ARHGAP26: variants seen among roughly 807,000 people sequenced by gnomAD.
ARHGAP26 encodes the protein rho GTPase-activating protein 26.
Under a neutral mutation model 104.8 loss-of-function variants are expected in ARHGAP26, and 38 were observed. The observed-to-expected ratio is 0.36, with a 90% confidence interval of 0.28 to 0.48. ARHGAP26 has a LOEUF of 0.48. ARHGAP26 is among the 20% of genes least tolerant of loss of function. The probability of loss-of-function intolerance (pLI) is 0.99; values close to 1 mark genes in which losing one functional copy is unlikely to be tolerated. For synonymous variants in ARHGAP26, 341 were observed against 340.0 expected, an observed-to-expected ratio of 1.00 and a Z score of -0.03; for missense variants, 704 against 947.9, an observed-to-expected ratio of 0.74 and a Z score of 3.38.
rs953847808 is a variant in ARHGAP26 at position 142,930,588 on chromosome 5, T to G, written c.1029-1459T>G. On this transcript the variant is annotated intron_variant, in intron 10 of 22. Transcript: ENST00000645722. ...TAGCTGCCCACGCCTCCCACCCACA[T>G]ACAACCCCACTCCCCTTTCTGTCTC... 5.3e-5 allele frequency among the ~76,000 whole-genome samples: 8 copies of G among 152,062 alleles called. No individual in the cohort carries two copies. The East Asian group carries it at 1.2e-3, about 22-fold the overall frequency.
chr5:142,980,052 T>A (rs573432507), intron 11 of ARHGAP26, among the ~76,000 whole-genome samples: 1 of 152,328 alleles, frequency 6.6e-6, no homozygotes, highest in Admixed American at 6.5e-5. Flanking sequence ...AGTCAATACC[T>A]TCCTCGCTCC....
At chr5:142,802,173 G>A (rs116158289) in intron 1 of ARHGAP26, among the ~76,000 whole-genome samples, 1,591 of 152,308 alleles carry the variant, frequency 0.01, 12 homozygotes, top group South Asian at 0.045. Context: ...GCCCCATCCT[G>A]TTATCATTGG....
chr5:143,200,983 A>G (rs1807629465), intron 20 of ARHGAP26, among the ~76,000 whole-genome samples: 1 of 152,232 alleles, frequency 6.6e-6, no homozygotes, highest in African/African-American at 2.4e-5. Flanking sequence ...TGATATTGCT[A>G]CACACTGTAC....
rs373317587 is a variant in ARHGAP26, at chr5:142,875,135, T to C, written c.276T>C (p.Thr92=). Residue 92 remains threonine (T), a synonymous_variant, in exon 3 of 23, where the codon ACT becomes ACC. Coordinates refer to ENST00000645722, the MANE Select transcript of ARHGAP26 (RefSeq NM_001135608.3). ...CAAGATCTTTGCAGGAGTTTGCCAC[T>C]GTCCTCAGGAATCTTGAAGATGAAC... ...CIARSLQEFA[T]VLRNLEDERI... is the part of the protein sequence containing the mutation. The C allele has an allele frequency of 3.7e-5, 60 of 1,614,052 alleles. 1 individual carries two copies. In the Middle Eastern group the frequency reaches 4.9e-4, roughly 13 times the overall value.
intron 9 of ARHGAP26, among the ~76,000 whole-genome samples, chr5:142,909,262 T>G (rs372714409): frequency 6.0e-4 from 91 of 152,354 alleles, no homozygotes; most frequent in Middle Eastern, 3.4e-3. Flanking sequence ...GCTTAAATAG[T>G]TTTTCATTTG....
At chr5:142,829,776 C>T (rs562441673) in intron 1 of ARHGAP26, among the ~76,000 whole-genome samples, 1 of 152,266 alleles carries the variant, frequency 6.6e-6, no homozygotes, top group South Asian at 2.1e-4. Context: ...GTCTGGCTGT[C>T]TCCACTGCCC....
At chr5:143,095,473 C>A (rs1173785786) in intron 17 of ARHGAP26, among the ~76,000 whole-genome samples, 1 of 152,128 alleles carries the variant, frequency 6.6e-6, no homozygotes, top group Non-Finnish European at 1.5e-5. Context: ...TTATGTTTTA[C>A]AGTATTGGAA....
At chr5:143,173,974 G>A (rs778909688) in intron 20 of ARHGAP26, among the ~76,000 whole-genome samples, 2 of 152,178 alleles carry the variant, frequency 1.3e-5, no homozygotes, top group Non-Finnish European at 2.9e-5. Context: ...TGCTGTTTGA[G>A]GGCAGCATCA....
chr5:143,124,055 C>T (rs1452838630), intron 18 of ARHGAP26, among the ~76,000 whole-genome samples: 3 of 152,132 alleles, frequency 2.0e-5, no homozygotes, highest in African/African-American at 7.2e-5. Flanking sequence ...AATCCTGAAA[C>T]CCTATTTGAA....
At chr5:142,901,852 C>A in intron 6 of ARHGAP26, 83 bp from the exon 7 acceptor site, 1 of 1,078,760 alleles carries the variant, frequency 9.3e-7, no homozygotes, top group Non-Finnish European at 1.4e-6. Context: ...ACTTTCAAGC[C>A]AGTGTTGGGA....
intron 22 of ARHGAP26, among the ~76,000 whole-genome samples, chr5:143,215,089 G>A (rs1226675632): frequency 5.9e-5 from 9 of 152,218 alleles, no homozygotes; most frequent in Non-Finnish European, 1.2e-4. Context: ...AGGCCCAGGC[G>A]GCGGAGTCCT....
intron 12 of ARHGAP26, among the ~76,000 whole-genome samples, chr5:143,031,926 T>G (rs1425925424): frequency 6.6e-6 from 1 of 152,122 alleles, no homozygotes; most frequent in Non-Finnish European, 1.5e-5. Flanking sequence ...GGATGTAACC[T>G]GCCTCCAGCC....
At chr5:142,926,591 C>G (rs993354593) in intron 10 of ARHGAP26, among the ~76,000 whole-genome samples, 1 of 151,998 alleles carries the variant, frequency 6.6e-6, no homozygotes, top group Non-Finnish European at 1.5e-5. Flanking sequence ...AGTGGTAGGC[C>G]ACTTTGTTGC....
chr5:142,963,198 A>ATGTGTG lies in ARHGAP26; in HGVS notation c.1107+31090_1107+31095dup, dbSNP rs1217350223. ...TATATATATATATATATATATATAT[A>ATGTGTG]TGTGTGTGTGTGTGTGTGTGTGCGC... is the stretch of plus-strand genomic sequence containing the variant. On this transcript the variant is annotated intron_variant, in intron 11 of 22. Coordinates refer to ENST00000645722, the MANE Select transcript of ARHGAP26 (RefSeq NM_001135608.3). 8.8e-4 allele frequency among the ~76,000 whole-genome samples: 87 copies of ATGTGTG among 98,332 alleles called. 1 individual carries two copies. Among genetic ancestry groups the ATGTGTG allele is most frequent in the Middle Eastern group, 4.8e-3 (1 of 208 alleles). 64.5% of individuals were successfully genotyped at this position (98,332 alleles called of 152,430 possible).
rs376152131 is a variant in ARHGAP26, at chr5:142,989,214, C to T, written c.1108-24866C>T. 5.3e-5 allele frequency among the ~76,000 whole-genome samples: 8 copies of T among 152,182 alleles called. No individual in the cohort carries two copies. The East Asian group carries it at 9.6e-4, about 18-fold the overall frequency. On this transcript the variant is annotated intron_variant, in intron 11 of 22. Transcript: ENST00000645722. Reference sequence around the variant, plus strand: ...TATATATTTAGGATAATTAGCTCTTCTTGTTGAATTGATCCCTTTACCATT... The same window carrying T: ...TATATATTTAGGATAATTAGCTCTTTTTGTTGAATTGATCCCTTTACCATT...
intron 11 of ARHGAP26, among the ~76,000 whole-genome samples, chr5:142,963,172 GTATATATATA>G (rs58576577): frequency 5.6e-5 from 5 of 89,080 alleles, no homozygotes; most frequent in Non-Finnish European, 8.6e-5. Context: ...TGGTATATAT[GTATATATATA>G]TATATATATA....
At chr5:143,143,250 G>A (rs1798776768) in intron 19 of ARHGAP26, among the ~76,000 whole-genome samples, 1 of 152,174 alleles carries the variant, frequency 6.6e-6, no homozygotes, top group Non-Finnish European at 1.5e-5. Context: ...CAAGACGTGT[G>A]AATTTGGCTT....
chr5:143,078,540 T>C (rs999789384), intron 17 of ARHGAP26, among the ~76,000 whole-genome samples: 1 of 152,192 alleles, frequency 6.6e-6, no homozygotes, highest in Non-Finnish European at 1.5e-5. Flanking sequence ...TGGAATTTTA[T>C]AGCAGTTGGG....
intron 1 of ARHGAP26, among the ~76,000 whole-genome samples, chr5:142,820,366 A>C (rs1447983490): frequency 5.3e-5 from 8 of 152,224 alleles, no homozygotes; most frequent in Admixed American, 4.6e-4. Context: ...TAAGGGTTTC[A>C]TAGTAAGGTG....
Sources: gnomAD v4.1 joint callset for allele counts (sites outside exome capture counted in the v4.1 genomes callset) on GRCh38, gnomAD v4.1.1 for gene constraint, MANE v1.5 for transcripts, NCBI Gene and HGNC (gene_info 2026-07-23, HGNC 2026-07-21) for gene names.